Variants in BRSK1 observed in about 807,000 individuals in gnomAD.
The protein encoded by BRSK1 is serine/threonine-protein kinase BRSK1.
In BRSK1, 17 loss-of-function variants were observed where a neutral mutation model predicts 86.2. The ratio of observed to expected loss-of-function variants is 0.20; its 90% CI spans 0.14 to 0.30. The LOEUF (loss-of-function observed/expected upper bound fraction) is 0.30, where lower values mean the gene tolerates loss of function less well. Ranked by LOEUF, BRSK1 falls within the 10% of genes least tolerant of loss-of-function variation. The pLI, the probability that BRSK1 is intolerant of heterozygous loss-of-function variation, is 1.00. For missense variants in BRSK1, 719 were observed against 1,071.9 expected, an observed-to-expected ratio of 0.67 and a Z score of 4.60; for synonymous variants, 464 against 440.1, an observed-to-expected ratio of 1.05 and a Z score of -0.68.
At chr19:55,293,759 G>A (rs569004980) in intron 4 of BRSK1, among the ~76,000 whole-genome samples, 4 of 152,058 alleles carry the variant, frequency 2.6e-5, no homozygotes, top group African/African-American at 4.8e-5. Context: ...GCAGTGAGCC[G>A]AGATCATGCC....
At position 55,301,520 on chromosome 19, in the gene BRSK1, G is replaced by T. The variant is rs960079459; in HGVS notation, c.687G>T (p.Leu229=). The T allele has an allele frequency of 6.2e-7, 1 of 1,613,746 alleles. No homozygotes were observed. Among genetic ancestry groups the T allele is most frequent in the Non-Finnish European group, 8.5e-7 (1 of 1,179,916 alleles). ...GGTTATCTCTTGCCCAGGGGGCTCT[G>T]CCCTTTGATGACGACAACCTCCGCC... ...VILFALLVGA[L]PFDDDNLRQL... The change falls in exon 8 of 19, where the codon CTG becomes CTT. Residue 229 remains leucine (L), a synonymous_variant. Coordinates refer to ENST00000309383, the MANE Select transcript of BRSK1 (RefSeq NM_032430.2).
At chr19:55,295,077 C>T (rs2384692) in intron 7 of BRSK1, among the ~76,000 whole-genome samples, 28,004 of 151,950 alleles carry the variant, frequency 0.18, 2,772 homozygotes, top group Middle Eastern at 0.27. Flanking sequence ...GCTGGGATTA[C>T]AAGTATGAGC....
chr19:55,292,209 C>T (rs921047543), intron 4 of BRSK1, among the ~76,000 whole-genome samples: 2 of 152,150 alleles, frequency 1.3e-5, no homozygotes, highest in Non-Finnish European at 2.9e-5. Flanking sequence ...TCCTACACTC[C>T]CTCTCTCCCC....
At position 55,302,891 on chromosome 19, in the gene BRSK1, C is replaced by G; in HGVS notation, c.1028+24C>G. On this transcript the variant is annotated intron_variant, in intron 10 of 18. Coordinates refer to ENST00000309383, the MANE Select transcript of BRSK1 (RefSeq NM_032430.2). The surrounding 1 kb of genome is among the most constrained non-coding windows in gnomAD (Gnocchi z 6.3). ...GAGTAAGACCCCAAGACCCCTGCAC[C>G]CGTGTACCCACGTGGGGCGAGCTGC... 6.2e-7 allele frequency: 1 copy of G among 1,600,196 alleles called. No individual in the cohort carries two copies. Among genetic ancestry groups the G allele is most frequent in the East Asian group, 2.2e-5 (1 of 44,484 alleles).
At chr19:55,299,389 T>G (rs2445875) in intron 7 of BRSK1, among the ~76,000 whole-genome samples, 5 of 147,602 alleles carry the variant, frequency 3.4e-5, no homozygotes, top group South Asian at 2.1e-4. Context: ...TTTTGTTTTG[T>G]TTTTTGTTTT....
intron 17 of BRSK1, among the ~76,000 whole-genome samples, chr19:55,307,659 G>A (rs1348107361): frequency 1.3e-5 from 2 of 151,262 alleles, no homozygotes; most frequent in Non-Finnish European, 2.9e-5. Flanking sequence ...GGGAAGCCGA[G>A]GTGGGAGGAT....
At chr19:55,301,297 G>C (rs1324788049) in intron 7 of BRSK1, among the ~76,000 whole-genome samples, 1 of 152,194 alleles carries the variant, frequency 6.6e-6, no homozygotes, top group Non-Finnish European at 1.5e-5. Context: ...CAGCCTCCAC[G>C]CTGCAATTCT....
At chr19:55,308,566 G>T (rs1326557203) in intron 17 of BRSK1, 73 bp from the exon 18 acceptor site, 10 of 1,117,756 alleles carry the variant, frequency 8.9e-6, no homozygotes, top group Non-Finnish European at 1.2e-5. Context: ...GAGGGACTGG[G>T]TTCTGCAGGC....
chr19:55,300,294 G>A (rs2088551774), intron 7 of BRSK1, among the ~76,000 whole-genome samples: 1 of 152,138 alleles, frequency 6.6e-6, no homozygotes, highest in Non-Finnish European at 1.5e-5. Flanking sequence ...TCATGTACTA[G>A]GTCAGTTCAT....
At position 55,310,600 on chromosome 19, in the gene BRSK1, T is replaced by C. The variant is rs1477748922; in HGVS notation, c.2180-1311T>C. Among the ~76,000 whole-genome samples the C allele has an allele frequency of 2.6e-5, 4 of 152,036 alleles. No individual in the cohort carries two copies. The highest frequency in any genetic ancestry group is 9.7e-5 in the African/African-American group (4 of 41,398). ...TGGAGACATTTTTCCTCCCCTCAAC[T>C]GGGGAAAACAGGGGGATGCCAATGG... On this transcript the variant is annotated intron_variant, in intron 18 of 18. Coordinates refer to ENST00000309383, the MANE Select transcript of BRSK1 (RefSeq NM_032430.2). The surrounding 1 kb of genome is among the most constrained non-coding windows in gnomAD (Gnocchi z 5.0).
At position 55,294,745 on chromosome 19, in the gene BRSK1, AC is replaced by A. The variant is rs1178630467; in HGVS notation, c.678+350del. On this transcript the variant is annotated intron_variant, in intron 7 of 18. Coordinates refer to ENST00000309383, the MANE Select transcript of BRSK1 (RefSeq NM_032430.2). This position sits in a 1 kb window ranked among gnomAD's most constrained non-coding sequence, Gnocchi z 4.9. ...TCCAACTCCTGACCTCAGGTGATCCACCTGCCTCTGCCTCCCAAAGTGCTGG... is the reference window on the plus strand; with the variant it reads ...TCCAACTCCTGACCTCAGGTGATCCACTGCCTCTGCCTCCCAAAGTGCTGG... 6.6e-6 allele frequency among the ~76,000 whole-genome samples: 1 copy of A among 151,602 alleles called. No individual in the cohort carries two copies. The highest frequency in any genetic ancestry group is 1.5e-5 in the Non-Finnish European group (1 of 67,930).
In BRSK1 at chr19:55,287,507, G is replaced by T. The variant is rs540263572; in HGVS notation, c.317+208G>T. On this transcript the variant is annotated intron_variant, in intron 3 of 18. Transcript: ENST00000309383. This position sits in a 1 kb window ranked among gnomAD's most constrained non-coding sequence, Gnocchi z 5.3. ...GTTGTCACGCTGTGTTGGGCCTGAGGCCAAGGGCAACCATCCTCCTACCGT... is the reference window on the plus strand; with the variant it reads ...GTTGTCACGCTGTGTTGGGCCTGAGTCCAAGGGCAACCATCCTCCTACCGT... Among the ~76,000 whole-genome samples, 65 of 152,318 alleles carry T rather than the reference G, an allele frequency of 4.3e-4. No homozygotes were observed. The highest frequency in any genetic ancestry group is 1.5e-3 in the African/African-American group (63 of 41,572).
At chr19:55,284,709 G>C in intron 1 of BRSK1, 131 bp downstream of exon 1, 1 of 805,042 alleles carries the variant, frequency 1.2e-6, no homozygotes, top group Non-Finnish European at 1.7e-6. Flanking sequence ...GAAGGGACTT[G>C]GGATTCAGAC....
rs2088597586 is a variant in BRSK1 at position 55,303,183 on chromosome 19, A to T, written c.1029-128A>T. The T allele has an allele frequency of 5.4e-6, 4 of 746,462 alleles. No homozygotes were observed. The highest frequency in any genetic ancestry group is 1.7e-5 in the South Asian group (1 of 58,026). The allele number at this position is 746,462 out of a possible 1,614,324, so 46.2% of individuals were successfully genotyped here. ...GTACCCTAAACCAGAGAAACTGACC[A>T]TACTGATACCTAGAAAAAATGGAAC... On this transcript the variant is annotated intron_variant, in intron 10 of 18. Coordinates refer to ENST00000309383, the MANE Select transcript of BRSK1 (RefSeq NM_032430.2). This position sits in a 1 kb window ranked among gnomAD's most constrained non-coding sequence, Gnocchi z 5.1.
In BRSK1 at chr19:55,302,403, T is replaced by A; in HGVS notation, c.857+235T>A. On this transcript the variant is annotated intron_variant, in intron 9 of 18. Coordinates refer to ENST00000309383, the MANE Select transcript of BRSK1 (RefSeq NM_032430.2). The surrounding 1 kb of genome is among the most constrained non-coding windows in gnomAD (Gnocchi z 6.3). ...TCCCAGGTTTGAGGGAAAAAGGGAC[T>A]GGGGGCCTGGACTCCTGGATCCGAG... The A allele has an allele frequency of 3.5e-6, 2 of 565,264 alleles. No homozygotes were observed. Among genetic ancestry groups the A allele is most frequent in the Non-Finnish European group, 6.2e-6 (2 of 322,906 alleles). The allele number at this position is 565,264 out of a possible 1,614,324, so 35.0% of individuals were successfully genotyped here.
Position 55,289,566 on chromosome 19 carries a change from A to G in BRSK1, c.404A>G (p.Lys135Arg), listed in dbSNP as rs2088373573. ...KGRLTPKEARKFFRQIVSALD... is the reference protein window; with the variant it reads ...KGRLTPKEARRFFRQIVSALD... The stretch of plus-strand genomic sequence containing the variant: ...AGACTGACGCCCAAGGAGGCCCGAA[A>G]GTTCTTCCGCCAGATTGTGTCTGCG... Residue 135 changes from lysine (K) to arginine (R), a missense_variant, in exon 4 of 19, where the codon AAG becomes AGG. Physicochemically the swap from Lys to Arg is conservative, Grantham distance 26 (BLOSUM62 2). Around this residue, in one of 6 missense-constraint regions of BRSK1, gnomAD observed 75 missense variants for 281.0 expected, o/e 0.27. Transcript: ENST00000309383. 6.2e-7 allele frequency: 1 copy of G among 1,614,086 alleles called. No individual in the cohort carries two copies. The highest frequency in any genetic ancestry group is 8.5e-7 in the Non-Finnish European group (1 of 1,180,016).
At chr19:55,288,462 A>G (rs957034404) in intron 3 of BRSK1, among the ~76,000 whole-genome samples, 2 of 143,402 alleles carry the variant, frequency 1.4e-5, no homozygotes, top group Non-Finnish European at 3.0e-5. Flanking sequence ...CGACAGAGCA[A>G]GACTCTGTCT....
At chr19:55,305,286 G>A (rs1297922471) in intron 14 of BRSK1, 35 bp from the exon 15 acceptor site, 2 of 1,612,672 alleles carry the variant, frequency 1.2e-6, no homozygotes, top group African/African-American at 1.3e-5. Context: ...ATGATGCACA[G>A]GTGTTGACCA....
chr19:55,284,397 CA>C lies in BRSK1; in HGVS notation c.-45del. 1 of 1,085,806 alleles carries C rather than the reference CA, an allele frequency of 9.2e-7. No homozygotes were observed. The highest frequency in any genetic ancestry group is 1.2e-6 in the Non-Finnish European group (1 of 845,734). The allele number at this position is 1,085,806 out of a possible 1,614,324, so 67.3% of individuals were successfully genotyped here. A position where few individuals can be genotyped will look rare whatever the true frequency, so the allele number is the denominator to read the frequency against. ...CACCGGAGAGACGGGGCGACGGCCG[CA>C]GGGGGGGCGGCCGGGGGACCGGTCG... is the stretch of plus-strand genomic sequence containing the variant. On this transcript the variant is annotated 5_prime_UTR_variant, in exon 1 of 19. Transcript: ENST00000309383.
Sources: gnomAD v4.1 joint callset for allele counts (sites outside exome capture counted in the v4.1 genomes callset) on GRCh38, gnomAD v4.1.1 for gene constraint, gnomAD v4.1.1 regional missense constraint, Gnocchi (gnomAD v3.1) non-coding constraint, MANE v1.5 for transcripts, NCBI Gene and HGNC (gene_info 2026-07-23, HGNC 2026-07-21) for gene names.